The following TMEM196 variants were observed in gnomAD, a reference collection of about 807,000 sequenced individuals.
TMEM196 encodes the protein transmembrane protein 196.
A neutral mutation model predicts 20.0 loss-of-function variants in TMEM196; 17 were observed. That is an observed-to-expected ratio of 0.85 (90% CI 0.58 to 1.27). TMEM196 has a LOEUF of 1.27. Among genes scored for constraint, TMEM196 ranks in the 50% most tolerant of loss-of-function variants. TMEM196 has a pLI of 0.00. For synonymous variants in TMEM196, 113 were observed against 88.9 expected, an observed-to-expected ratio of 1.27 and a Z score of -1.52; for missense variants, 267 against 223.0, an observed-to-expected ratio of 1.20 and a Z score of -1.26.
At chr7:19,722,909 GC>G (rs1300223415) in intron 4 of TMEM196, among the ~76,000 whole-genome samples, 1 of 151,880 alleles carries the variant, frequency 6.6e-6, no homozygotes, top group Non-Finnish European at 1.5e-5. Flanking sequence ...AGGATATGAA[GC>G]CCATTCATAT....
intron 1 of TMEM196, among the ~76,000 whole-genome samples, chr7:19,747,850 A>G (rs1187900959): frequency 2.0e-5 from 3 of 152,170 alleles, no homozygotes; most frequent in Non-Finnish European, 4.4e-5. Flanking sequence ...ATGGGATAGG[A>G]TGGAATACAT....
chr7:19,770,789 A>T (rs952504913), intron 1 of TMEM196, among the ~76,000 whole-genome samples: 23 of 152,316 alleles, frequency 1.5e-4, no homozygotes, highest in African/African-American at 5.0e-4. Flanking sequence ...ACACATCTAG[A>T]TAATAGTAAA....
rs1399462328 is a variant in TMEM196 at position 19,756,170 on chromosome 7, C to T, written c.147+16380G>A. ...AATGCAAACCACATATATCACTATTCTTTTTAGTAGTACATTAAAAGATCA... is the reference window on the plus strand; with the variant it reads ...AATGCAAACCACATATATCACTATTTTTTTTAGTAGTACATTAAAAGATCA... On this transcript the variant is annotated intron_variant, in intron 1 of 4. Transcript: ENST00000405844. Among the ~76,000 whole-genome samples, 4 of 151,674 alleles carry T rather than the reference C, an allele frequency of 2.6e-5. No homozygotes were observed. The East Asian group carries it at 7.7e-4, about 29-fold the overall frequency.
At chr7:19,746,371 T>C (rs1331681729) in intron 1 of TMEM196, among the ~76,000 whole-genome samples, 3 of 152,202 alleles carry the variant, frequency 2.0e-5, no homozygotes, top group African/African-American at 7.2e-5. Flanking sequence ...TCCTATGAAA[T>C]ATACCGACTC....
chr7:19,729,860 AG>A (rs2128015953), intron 1 of TMEM196, among the ~76,000 whole-genome samples: 1 of 152,340 alleles, frequency 6.6e-6, no homozygotes, highest in East Asian at 1.9e-4. Context: ...GCATCAGACA[AG>A]GAGATGATTC....
At chr7:19,753,505 A>G (rs1357689232) in intron 1 of TMEM196, among the ~76,000 whole-genome samples, 1 of 152,072 alleles carries the variant, frequency 6.6e-6, no homozygotes, top group African/African-American at 2.4e-5. Flanking sequence ...GACTCCCATG[A>G]AGTCTTGTCG....
chr7:19,740,520 A>G (rs1562614824), intron 1 of TMEM196, among the ~76,000 whole-genome samples: 1 of 152,196 alleles, frequency 6.6e-6, no homozygotes, highest in East Asian at 1.9e-4. Context: ...AGGCAAAATT[A>G]TGATGTAAAT....
At chr7:19,726,195 A>C (rs1423064937) in intron 2 of TMEM196, among the ~76,000 whole-genome samples, 2 of 152,192 alleles carry the variant, frequency 1.3e-5, no homozygotes, top group Non-Finnish European at 2.9e-5. Context: ...CGTTTTAGAA[A>C]AATGAATGGT....
rs1196387020 is a variant in TMEM196 at position 19,720,976 on chromosome 7, A to G, written c.*1152T>C. Reference sequence around the variant, plus strand: ...ATGATATCTTTATAAATACGGAAGTATGTCATTAAAGTCATGTTCGTTTAT... The same window carrying G: ...ATGATATCTTTATAAATACGGAAGTGTGTCATTAAAGTCATGTTCGTTTAT... On this transcript the variant is annotated 3_prime_UTR_variant, in exon 5 of 5. Transcript: ENST00000405844. The G allele has an allele frequency of 3.3e-5, 5 of 151,926 alleles. No homozygotes were observed. The highest frequency in any genetic ancestry group is 2.6e-4 in the Admixed American group (4 of 15,242). 9.4% of individuals were successfully genotyped at this position (151,926 alleles called of 1,614,324 possible).
Position 19,722,015 on chromosome 7 carries a change from C to T in TMEM196, c.*113G>A, listed in dbSNP as rs1783830032. 2 of 1,379,094 alleles carry T rather than the reference C, an allele frequency of 1.5e-6. No homozygotes were observed. The highest frequency in any genetic ancestry group is 2.4e-5 in the South Asian group (2 of 82,294). 85.4% of individuals were successfully genotyped at this position (1,379,094 alleles called of 1,614,324 possible). ...GCAAAAACTGTTTTATTTTCTAGTC[C>T]TTTGGTGTCTCATTGCCTCATGAAA... is the stretch of plus-strand genomic sequence containing the variant. On this transcript the variant is annotated 3_prime_UTR_variant, in exon 5 of 5. Transcript: ENST00000405844.
Position 19,720,399 on chromosome 7 carries a change from A to G in TMEM196, c.*1729T>C, listed in dbSNP as rs1373998955. 6.6e-6 allele frequency: 1 copy of G among 152,040 alleles called. No homozygotes were observed. Among genetic ancestry groups the G allele is most frequent in the African/African-American group, 2.4e-5 (1 of 41,444 alleles). 9.4% of individuals were successfully genotyped at this position (152,040 alleles called of 1,614,324 possible). ...CTTGAATGATCATTACTGTGTTAGC[A>G]CAATTAAAACTCATGTTTTGTTTAT... is the stretch of plus-strand genomic sequence containing the variant. On this transcript the variant is annotated 3_prime_UTR_variant, in exon 5 of 5. Coordinates refer to ENST00000405844, the MANE Select transcript of TMEM196 (RefSeq NM_001363562.2).
At chr7:19,739,027 T>A (rs1278557084) in intron 1 of TMEM196, among the ~76,000 whole-genome samples, 1 of 152,124 alleles carries the variant, frequency 6.6e-6, no homozygotes, top group Non-Finnish European at 1.5e-5. Context: ...CAGTGATAAA[T>A]CATGTTGATG....
At position 19,721,953 on chromosome 7, in the gene TMEM196, T is replaced by TA. The variant is rs1352334032; in HGVS notation, c.*174dup. On this transcript the variant is annotated 3_prime_UTR_variant, in exon 5 of 5. Coordinates refer to ENST00000405844, the MANE Select transcript of TMEM196 (RefSeq NM_001363562.2). ...GAGGCAATATATTTTTTAGGAAGAATAATTTTAGTGGATGCTCAGGAGAGA... is the reference window on the plus strand; with the variant it reads ...GAGGCAATATATTTTTTAGGAAGAATAAATTTTAGTGGATGCTCAGGAGAGA... The TA allele has an allele frequency of 7.2e-6, 6 of 832,946 alleles. No homozygotes were observed. Among genetic ancestry groups the TA allele is most frequent in the Non-Finnish European group, 1.1e-5 (6 of 541,442 alleles). 51.6% of individuals were successfully genotyped at this position (832,946 alleles called of 1,614,324 possible). A position where few individuals can be genotyped will look rare whatever the true frequency, so the allele number is the denominator to read the frequency against.
chr7:19,769,989 T>A (rs535992831), intron 1 of TMEM196, among the ~76,000 whole-genome samples: 5 of 152,162 alleles, frequency 3.3e-5, no homozygotes, highest in African/African-American at 1.2e-4. Flanking sequence ...ATAAGGAAAC[T>A]TGGGCTAGTC....
intron 1 of TMEM196, among the ~76,000 whole-genome samples, chr7:19,757,337 C>CTTTTTTTTTTTTT (rs59859025): frequency 0.015 from 1,065 of 70,886 alleles, no homozygotes; most frequent in Non-Finnish European, 0.017. Flanking sequence ...CCACACCCAG[C>CTTTTTTTTTTTTT]TTTTTTTTTT....
At chr7:19,756,757 T>C (rs1785235330) in intron 1 of TMEM196, among the ~76,000 whole-genome samples, 1 of 152,216 alleles carries the variant, frequency 6.6e-6, no homozygotes, top group Non-Finnish European at 1.5e-5. Flanking sequence ...GCTCCATCCA[T>C]GTCCTGCAAA....
intron 1 of TMEM196, among the ~76,000 whole-genome samples, chr7:19,753,116 T>C (rs1327581210): frequency 6.6e-6 from 1 of 152,190 alleles, no homozygotes; most frequent in Non-Finnish European, 1.5e-5. Flanking sequence ...TTCTTATTCT[T>C]ACTATTCTCC....
intron 1 of TMEM196, among the ~76,000 whole-genome samples, chr7:19,736,120 T>G (rs1583427629): frequency 6.6e-6 from 1 of 151,914 alleles, no homozygotes; most frequent in Admixed American, 6.6e-5. Flanking sequence ...AGTTCTTGAA[T>G]AGTTTTACTC....
intron 1 of TMEM196, among the ~76,000 whole-genome samples, chr7:19,748,285 A>AC (rs1428553407): frequency 1.2e-4 from 17 of 143,262 alleles, no homozygotes; most frequent in African/African-American, 3.8e-4. Flanking sequence ...AAAAAAAAAA[A>AC]AAAAAACAGT....
Sources: gnomAD v4.1 joint callset for allele counts (sites outside exome capture counted in the v4.1 genomes callset) on GRCh38, gnomAD v4.1.1 for gene constraint, MANE v1.5 for transcripts, NCBI Gene and HGNC (gene_info 2026-07-23, HGNC 2026-07-21) for gene names.